WASHC5: variants seen among roughly 807,000 people sequenced by gnomAD.
The protein encoded by WASHC5 is WASH complex subunit strumpellin.
In WASHC5, 101 loss-of-function variants were observed where a neutral mutation model predicts 150.4. The ratio of observed to expected loss-of-function variants is 0.67; its 90% confidence interval spans 0.57 to 0.79. WASHC5 has a LOEUF of 0.79. Among genes scored for constraint, WASHC5 ranks in the 30% least tolerant of loss-of-function variants. The probability of loss-of-function intolerance (pLI) is 0.00; values close to 1 mark genes in which losing one functional copy is unlikely to be tolerated. For synonymous variants in WASHC5, 467 were observed against 491.2 expected, an observed-to-expected ratio of 0.95 and a Z score of 0.65; for missense variants, 1,195 against 1,396.3, an observed-to-expected ratio of 0.86 and a Z score of 2.30.
chr8:125,072,733 C>T (rs1400819686), intron 9 of WASHC5, among the ~76,000 whole-genome samples: 1 of 152,144 alleles, frequency 6.6e-6, no homozygotes. Context: ...CCTTAAAGGT[C>T]AGCTAATAGG....
chr8:125,040,021 T>C, intron 23 of WASHC5, 123 bp from the exon 24 acceptor site: 1 of 714,818 alleles, frequency 1.4e-6, no homozygotes, highest in Non-Finnish European at 2.5e-6. Flanking sequence ...GGAAAAAAAA[T>C]AAGGATTTCC....
At chr8:125,062,841 T>C (rs1461760050) in intron 11 of WASHC5, among the ~76,000 whole-genome samples, 1 of 152,198 alleles carries the variant, frequency 6.6e-6, no homozygotes, top group African/African-American at 2.4e-5. Context: ...TTTGTCACCA[T>C]AAAATTCAGA....
At chr8:125,084,549 A>T (rs1817362159) in intron 1 of WASHC5, among the ~76,000 whole-genome samples, 1 of 152,216 alleles carries the variant, frequency 6.6e-6, no homozygotes, top group Non-Finnish European at 1.5e-5. Context: ...ATAAATACTA[A>T]ATCAAACTGG....
rs1291439373 is a variant in WASHC5 at position 125,063,700 on chromosome 8, C to T, written c.1279-49G>A. The T allele has an allele frequency of 3.2e-6, 5 of 1,577,820 alleles. No homozygotes were observed. The South Asian group carries it at 5.6e-5, about 18-fold the overall frequency. On this transcript the variant is annotated intron_variant, in intron 10 of 28. Coordinates refer to ENST00000318410, the MANE Select transcript of WASHC5 (RefSeq NM_014846.4). ...TATTTACTTAAGAGAAAAATCCAGA[C>T]TAGGCAGCTTATGAAGAGAGCTTGA... is the stretch of plus-strand genomic sequence containing the variant.
At chr8:125,048,120 G>A (rs922015597) in intron 19 of WASHC5, among the ~76,000 whole-genome samples, 2 of 152,182 alleles carry the variant, frequency 1.3e-5, no homozygotes, top group East Asian at 3.8e-4. Flanking sequence ...AAAAGGTGAG[G>A]TGACAAACGA....
At chr8:125,056,882 A>G in intron 15 of WASHC5, 65 bp from the exon 16 acceptor site, 1 of 1,592,042 alleles carries the variant, frequency 6.3e-7, no homozygotes, top group Non-Finnish European at 8.6e-7. Context: ...GCTGACAAAT[A>G]TTAGGATGCC....
chr8:125,059,909 C>T (rs1816539722), intron 12 of WASHC5, among the ~76,000 whole-genome samples: 1 of 152,026 alleles, frequency 6.6e-6, no homozygotes, highest in Non-Finnish European at 1.5e-5. Context: ...TGATAAAAAG[C>T]ATTTGAGATT....
chr8:125,079,126 A>G (rs1329350317), intron 5 of WASHC5, among the ~76,000 whole-genome samples, 196 bp from the exon 6 acceptor site: 1 of 117,546 alleles, frequency 8.5e-6, no homozygotes, highest in African/African-American at 3.9e-5. Context: ...GTATATATAT[A>G]TATATATATA....
chr8:125,047,056 A>C, intron 20 of WASHC5, 151 bp downstream of exon 20: 1 of 887,918 alleles, frequency 1.1e-6, no homozygotes, highest in Non-Finnish European at 1.8e-6. Context: ...TCTGCAGCGC[A>C]GGGGTTAGGG....
chr8:125,025,804 T>C (rs1272601381), intron 28 of WASHC5, among the ~76,000 whole-genome samples: 1 of 145,132 alleles, frequency 6.9e-6, no homozygotes, highest in Non-Finnish European at 1.5e-5. Flanking sequence ...TTGTAATGAA[T>C]TTTTCCAGTT....
intron 10 of WASHC5, among the ~76,000 whole-genome samples, chr8:125,064,945 A>T (rs1033304695): frequency 6.6e-6 from 1 of 152,188 alleles, no homozygotes; most frequent in Admixed American, 6.5e-5. Context: ...TTATTTATAG[A>T]GTCTACCCTA....
At position 125,037,289 on chromosome 8, in the gene WASHC5, G is replaced by T; in HGVS notation, c.3129C>A (p.Asn1043Lys). The change falls in exon 26 of 29, where the codon AAC becomes AAA. Residue 1043 changes from asparagine to lysine, a missense_variant. Asn to Lys is a moderately conservative substitution (Grantham distance 94). Coordinates refer to ENST00000318410, the MANE Select transcript of WASHC5 (RefSeq NM_014846.4). ...TKRLPYFPIVNFLFLIAQLPK... is the reference protein window; with the variant it reads ...TKRLPYFPIVKFLFLIAQLPK... ...GCAACTGAGCGATCAAAAATAGAAA[G>T]TTTACAATTGGAAAATAGGGTAAGC... 6.2e-7 allele frequency: 1 copy of T among 1,612,596 alleles called. No individual in the cohort carries two copies. The highest frequency in any genetic ancestry group is 8.5e-7 in the Non-Finnish European group (1 of 1,178,764).
At chr8:125,037,178 A>T in intron 26 of WASHC5, 59 bp downstream of exon 26, 1 of 946,306 alleles carries the variant, frequency 1.1e-6, no homozygotes, top group Non-Finnish European at 1.7e-6. Flanking sequence ...AAAGCTATTT[A>T]GTTAAATGTT....
rs1275809932 is a variant in WASHC5 at position 125,044,538 on chromosome 8, G to C, written c.2665C>G (p.Gln889Glu). 1.2e-6 allele frequency: 2 copies of C among 1,613,940 alleles called. No homozygotes were observed. The highest frequency in any genetic ancestry group is 2.7e-5 in the African/African-American group (2 of 75,056). The change falls in exon 21 of 29, where the codon CAG (glutamine) becomes GAG (glutamate). Residue 889 changes from glutamine to glutamate, a missense_variant and splice_region_variant. Coordinates refer to ENST00000318410, the MANE Select transcript of WASHC5 (RefSeq NM_014846.4). ...GGCATGAAAGTCAAAAGGCTCACCTGTAACTCTTTTACAATCATAAAGCAC... is the reference window on the plus strand; with the variant it reads ...GGCATGAAAGTCAAAAGGCTCACCTCTAACTCTTTTACAATCATAAAGCAC... ...LLCFMIVKEL[Q>E]NFLSMFQKII...
chr8:125,089,225 CA>C (rs1586396892), intron 1 of WASHC5, among the ~76,000 whole-genome samples: 1 of 152,234 alleles, frequency 6.6e-6, no homozygotes, highest in East Asian at 1.9e-4. Flanking sequence ...GTGGGCAAAA[CA>C]GTCACATACT....
chr8:125,039,027 G>C, intron 24 of WASHC5, 68 bp from the exon 25 acceptor site: 1 of 1,497,204 alleles, frequency 6.7e-7, no homozygotes, highest in Non-Finnish European at 9.3e-7. Context: ...GTTAATATAG[G>C]GCAGTGATGT....
chr8:125,088,114 C>T (rs1817473131), intron 1 of WASHC5, among the ~76,000 whole-genome samples: 2 of 152,028 alleles, frequency 1.3e-5, no homozygotes, highest in South Asian at 4.1e-4. Flanking sequence ...AGGTTCCTTC[C>T]CTTGAGTATA....
chr8:125,078,640 C>G, intron 6 of WASHC5, 98 bp downstream of exon 6: 1 of 1,014,338 alleles, frequency 9.9e-7, no homozygotes, highest in Non-Finnish European at 1.5e-6. Context: ...CCTGCTTTTA[C>G]TCTTTTGGGA....
intron 9 of WASHC5, 135 bp downstream of exon 9, chr8:125,073,018 A>G: frequency 1.1e-6 from 1 of 905,592 alleles, no homozygotes; most frequent in Non-Finnish European, 1.8e-6. Flanking sequence ...ACAAAAAATG[A>G]CTAACTTTAA....
Sources: gnomAD v4.1 joint callset for allele counts (sites outside exome capture counted in the v4.1 genomes callset) on GRCh38, gnomAD v4.1.1 for gene constraint, MANE v1.5 for transcripts, NCBI Gene and HGNC (gene_info 2026-07-23, HGNC 2026-07-21) for gene names.